The following MAD2L1BP variants were observed in gnomAD, a reference collection of about 807,000 sequenced individuals.
The protein encoded by MAD2L1BP is MAD2L1 binding protein.
In MAD2L1BP, 22 loss-of-function variants were observed where a neutral mutation model predicts 28.4. That is an observed-to-expected ratio of 0.77 (90% CI 0.55 to 1.10). The LOEUF is 1.10. MAD2L1BP is among the 50% of genes least tolerant of loss of function. The pLI, the probability that MAD2L1BP is intolerant of heterozygous loss-of-function variation, is 0.00. For synonymous variants in MAD2L1BP, 146 were observed against 133.7 expected (o/e 1.09, Z -0.63); for missense variants, 325 against 350.5 (o/e 0.93, Z 0.58).
At chr6:43,629,572 G>A (rs2127850974) in exon 1 of MAD2L1BP, 1 of 695,286 alleles carries the variant, frequency 1.4e-6, no homozygotes, top group East Asian at 2.7e-5. Flanking sequence ...CCTGGGGTGG[G>A]GACGCGAGGA....
chr6:43,631,170 G>A (rs951676977), upstream of MAD2L1BP, among the ~76,000 whole-genome samples: 1 of 152,170 alleles, frequency 6.6e-6, no homozygotes, highest in Admixed American at 6.5e-5. Flanking sequence ...GGGCCTAGCT[G>A]ACCATAGGCC....
chr6:43,638,011 G>T (rs59494605), intron 2 of MAD2L1BP, among the ~76,000 whole-genome samples: 6,397 of 152,240 alleles, frequency 0.042, 471 homozygotes, highest in African/African-American at 0.15. Flanking sequence ...CGATTCTCCT[G>T]CCTCAGCCTC....
At chr6:43,639,959 T>C in intron 2 of MAD2L1BP, 62 bp from the exon 3 acceptor site, 2 of 1,463,986 alleles carry the variant, frequency 1.4e-6, no homozygotes, top group African/African-American at 2.8e-5. Context: ...CAGGGTTCTT[T>C]TCAAAGAGCA....
chr6:43,637,425 CTTT>C (rs766935941), intron 2 of MAD2L1BP, among the ~76,000 whole-genome samples: 5 of 130,046 alleles, frequency 3.8e-5, no homozygotes, highest in Admixed American at 7.8e-5. Flanking sequence ...CTTTTTTCTT[CTTT>C]TTTTTTTTTT....
chr6:43,634,807 C>T (rs1214212696), upstream of MAD2L1BP, among the ~76,000 whole-genome samples: 1 of 152,162 alleles, frequency 6.6e-6, no homozygotes, highest in Non-Finnish European at 1.5e-5. Context: ...GATCCACCTG[C>T]CTTGGACTCC....
Position 43,640,499 on chromosome 6 carries a change from A to G in MAD2L1BP, c.791A>G (p.Gln264Arg). ...GCTTGGGAAGACTACATTTGGTTCC[A>G]GGCACCAGTGACATTTAAAGGCTTC... ...TTAWEDYIWFQAPVTFKGFRE is the reference protein window; with the variant it reads ...TTAWEDYIWFRAPVTFKGFRE The change falls in exon 3 of 3, where the codon CAG (glutamine) becomes CGG (arginine). Residue 264 changes from glutamine to arginine, a missense_variant. Coordinates refer to ENST00000372171, the MANE Select transcript of MAD2L1BP (RefSeq NM_014628.3). 1 of 1,605,814 alleles carries G rather than the reference A, an allele frequency of 6.2e-7. No individual in the cohort carries two copies. Among genetic ancestry groups the G allele is most frequent in the Non-Finnish European group, 8.5e-7 (1 of 1,176,112 alleles).
At chr6:43,636,938 C>T (rs28419588) in intron 2 of MAD2L1BP, 3 of 306,288 alleles carry the variant, frequency 9.8e-6, no homozygotes, top group Non-Finnish European at 1.9e-5. Flanking sequence ...AGTGCAGTGG[C>T]GAGATCTCAG....
upstream of MAD2L1BP, among the ~76,000 whole-genome samples, chr6:43,630,908 CAAAAAAAAAAAA>C (rs753239311): frequency 1.9e-5 from 1 of 53,624 alleles, no homozygotes; most frequent in Non-Finnish European, 3.8e-5. Flanking sequence ...GACTTCGTCT[CAAAAAAAAAAAA>C]AAAAAAAAAA....
At chr6:43,634,595 C>T (rs939121351), upstream of MAD2L1BP, among the ~76,000 whole-genome samples, 1 of 151,982 alleles carries the variant, frequency 6.6e-6, no homozygotes, top group African/African-American at 2.4e-5. Flanking sequence ...GAGTCTCACT[C>T]TGTCACCTAG....
At chr6:43,639,307 T>A (rs1464234189) in intron 2 of MAD2L1BP, among the ~76,000 whole-genome samples, 2 of 152,208 alleles carry the variant, frequency 1.3e-5, no homozygotes, top group East Asian at 3.9e-4. Context: ...ACTCGGCTAA[T>A]TTTTTGTATT....
chr6:43,635,867 G>A lies in MAD2L1BP; in HGVS notation c.-9G>A, dbSNP rs1770180006. ...TCTAACCGCAAGGAGTAGCGGAGGG[G>A]AGGTCGTGATGGCGGCGCCGGAGGC... On this transcript the variant is annotated 5_prime_UTR_variant, in exon 1 of 3. Transcript: ENST00000372171. The A allele has an allele frequency of 5.4e-6, 8 of 1,477,962 alleles. No individual in the cohort carries two copies. The highest frequency in any genetic ancestry group is 5.6e-5 in the East Asian group (2 of 35,512). 91.6% of individuals were successfully genotyped at this position (1,477,962 alleles called of 1,614,324 possible).
rs530012502 is a variant in MAD2L1BP, at chr6:43,638,981, A to C, written c.313-1040A>C. 3.0e-4 allele frequency among the ~76,000 whole-genome samples: 46 copies of C among 152,094 alleles called. 1 individual carries two copies. The South Asian group carries it at 9.6e-3, about 32-fold the overall frequency. On this transcript the variant is annotated intron_variant, in intron 2 of 2. Transcript: ENST00000372171. ...TCTAAGCATCTTCACACAGATTTTCATTCATTTCCCCTATATTCACTCTTG... is the reference window on the plus strand; with the variant it reads ...TCTAAGCATCTTCACACAGATTTTCCTTCATTTCCCCTATATTCACTCTTG...
At chr6:43,636,697 G>C (rs1414605035) in intron 2 of MAD2L1BP, 51 bp downstream of exon 2, 1 of 1,586,432 alleles carries the variant, frequency 6.3e-7, no homozygotes, top group Non-Finnish European at 8.6e-7. Context: ...GTGGCTCTTA[G>C]ATGGGAGGCA....
At chr6:43,632,062 G>A (rs1031375849), upstream of MAD2L1BP, among the ~76,000 whole-genome samples, 1 of 151,920 alleles carries the variant, frequency 6.6e-6, no homozygotes, top group African/African-American at 2.4e-5. Context: ...ACCACACCCG[G>A]CTAATTTTGT....
chr6:43,629,851 C>T (rs1242722452), intron 1 of MAD2L1BP: 3 of 1,470,208 alleles, frequency 2.0e-6, no homozygotes, highest in African/African-American at 2.8e-5. Flanking sequence ...ATTATGCTAC[C>T]TTTACATAGT....
chr6:43,637,303 G>C (rs2127863398), intron 2 of MAD2L1BP, among the ~76,000 whole-genome samples: 1 of 152,048 alleles, frequency 6.6e-6, no homozygotes, highest in East Asian at 1.9e-4. Context: ...GACCTCAAGT[G>C]ATCTGCCCGC....
chr6:43,636,002 C>T, intron 1 of MAD2L1BP, 81 bp downstream of exon 1: 1 of 1,364,564 alleles, frequency 7.3e-7, no homozygotes, highest in Non-Finnish European at 1.0e-6. Context: ...CGTTTATCCG[C>T]TGGTCCTCTC....
upstream of MAD2L1BP, among the ~76,000 whole-genome samples, chr6:43,631,962 C>A (rs1487107638): frequency 6.6e-6 from 1 of 152,014 alleles, no homozygotes; most frequent in South Asian, 2.1e-4. Flanking sequence ...TGCAATGGCG[C>A]GATCTTGGCT....
Position 43,640,553 on chromosome 6 carries a change from A to G in MAD2L1BP, c.*20A>G. On this transcript the variant is annotated 3_prime_UTR_variant, in exon 3 of 3. Transcript: ENST00000372171. ...GAGTGAATGAGTGCTTCTTAATCCT[A>G]AAAACACAATGGCTGAATTATCTTT... is the stretch of plus-strand genomic sequence containing the variant. 6.5e-7 allele frequency: 1 copy of G among 1,538,772 alleles called. No homozygotes were observed. The highest frequency in any genetic ancestry group is 1.3e-5 in the South Asian group (1 of 79,502).
Sources: allele counts gnomAD v4.1 joint callset (sites outside exome capture counted in the v4.1 genomes callset), GRCh38; gene constraint gnomAD v4.1.1; transcripts MANE v1.5; gene names NCBI Gene and HGNC (gene_info 2026-07-23, HGNC 2026-07-21).